The following MSI2 variants were observed in gnomAD, a reference collection of about 807,000 sequenced individuals.
MSI2 encodes RNA-binding protein Musashi homolog 2.
In MSI2, 17 loss-of-function variants were observed where a neutral mutation model predicts 45.6. The ratio of observed to expected loss-of-function variants is 0.37; its 90% confidence interval spans 0.26 to 0.56. MSI2 has a LOEUF of 0.56. MSI2 is among the 20% of genes least tolerant of loss of function. The pLI is 0.77. For missense variants in MSI2, 293 were observed against 444.2 expected, an observed-to-expected ratio of 0.66 and a Z score of 3.06; for synonymous variants, 156 against 158.2, an observed-to-expected ratio of 0.99 and a Z score of 0.11.
chr17:57,572,485 G>C (rs1252559898), intron 7 of MSI2, among the ~76,000 whole-genome samples: 2 of 152,236 alleles, frequency 1.3e-5, no homozygotes, highest in African/African-American at 2.4e-5. Flanking sequence ...AGTCCAATCT[G>C]TCTGCCTTTC....
intron 7 of MSI2, among the ~76,000 whole-genome samples, chr17:57,566,609 A>G (rs1340237595): frequency 2.6e-5 from 4 of 152,168 alleles, no homozygotes; most frequent in Non-Finnish European, 5.9e-5. Flanking sequence ...TCATTTCAAG[A>G]CACAGAATAT....
intron 5 of MSI2, among the ~76,000 whole-genome samples, chr17:57,344,484 C>T (rs1362122760): frequency 6.6e-6 from 1 of 152,204 alleles, no homozygotes; most frequent in Non-Finnish European, 1.5e-5. Context: ...TCCCCTGCTC[C>T]AGACCTGGAG....
At chr17:57,530,756 CTTTCCTG>C (rs2086805323) in intron 7 of MSI2, among the ~76,000 whole-genome samples, 1 of 152,138 alleles carries the variant, frequency 6.6e-6, no homozygotes, top group East Asian at 1.9e-4. Flanking sequence ...GACTGTATGT[CTTTCCTG>C]TTTGGAGAAG....
chr17:57,466,121 G>A (rs995695622), intron 6 of MSI2, among the ~76,000 whole-genome samples: 1 of 152,186 alleles, frequency 6.6e-6, no homozygotes, highest in Non-Finnish European at 1.5e-5. Flanking sequence ...GCAGCCTTCA[G>A]GAACCAGAGT....
chr17:57,678,094 T>C (rs1007128359), intron 13 of MSI2, among the ~76,000 whole-genome samples: 9 of 152,210 alleles, frequency 5.9e-5, no homozygotes, highest in African/African-American at 2.2e-4. Flanking sequence ...GGAGATGAAC[T>C]GGCCACTTTG....
intron 5 of MSI2, among the ~76,000 whole-genome samples, chr17:57,293,595 G>GTTTTTTTTTTTTTTTTTTTTTTT (rs71139983): frequency 5.9e-5 from 8 of 134,674 alleles, no homozygotes; most frequent in East Asian, 2.1e-4. Context: ...TTGTTTTTTT[G>GTTTTTTTTTTTTTTTTTTTTTTT]TTTTTTTTTT....
intron 5 of MSI2, among the ~76,000 whole-genome samples, chr17:57,357,652 C>T (rs792379): frequency 0.17 from 26,512 of 152,092 alleles, 5,580 homozygotes; most frequent in African/African-American, 0.51. Context: ...TTTGTGGTTG[C>T]ATCCTGTTCA....
chr17:57,388,518 T>C (rs980349652), intron 5 of MSI2, among the ~76,000 whole-genome samples: 1 of 152,196 alleles, frequency 6.6e-6, no homozygotes, highest in African/African-American at 2.4e-5. Context: ...GGGGAGCTAA[T>C]CCTAGCCCGC....
intron 5 of MSI2, among the ~76,000 whole-genome samples, chr17:57,321,146 G>A (rs559595811): frequency 6.6e-6 from 1 of 152,050 alleles, no homozygotes; most frequent in East Asian, 1.9e-4. Flanking sequence ...TGGACTCTGA[G>A]TACCCCTAAA....
At position 57,416,800 on chromosome 17, in the gene MSI2, G is replaced by C. The variant is rs1302670485; in HGVS notation, c.405+15329G>C. ...ACATTCAGGAGCTCTAAGAATGCTG[G>C]TGATCATGGGAACAACTGGAGGGGG... On this transcript the variant is annotated intron_variant, in intron 6 of 13. Coordinates refer to ENST00000284073, the MANE Select transcript of MSI2 (RefSeq NM_138962.4). Among the ~76,000 whole-genome samples, 7 of 152,214 alleles carry C rather than the reference G, an allele frequency of 4.6e-5. No homozygotes were observed. The East Asian group carries it at 1.3e-3, about 29-fold the overall frequency.
intron 7 of MSI2, among the ~76,000 whole-genome samples, chr17:57,586,377 A>G (rs1961066014): frequency 6.6e-6 from 1 of 151,722 alleles, no homozygotes; most frequent in Admixed American, 6.6e-5. Context: ...TTTCCCTTCT[A>G]ACCTCCCTTT....
intron 5 of MSI2, among the ~76,000 whole-genome samples, chr17:57,304,599 T>C (rs1475084460): frequency 6.6e-6 from 1 of 151,410 alleles, no homozygotes; most frequent in Non-Finnish European, 1.5e-5. Context: ...ATTTTTGTAT[T>C]TTGAATAGAG....
Position 57,375,707 on chromosome 17 carries a change from C to T in MSI2, c.313-25672C>T, listed in dbSNP as rs2083484255. Among the ~76,000 whole-genome samples, 2 of 152,184 alleles carry T rather than the reference C, an allele frequency of 1.3e-5. 1 individual carries two copies. The highest frequency in any genetic ancestry group is 2.9e-5 in the Non-Finnish European group (2 of 68,028). On this transcript the variant is annotated intron_variant, in intron 5 of 13. Coordinates refer to ENST00000284073, the MANE Select transcript of MSI2 (RefSeq NM_138962.4). ...CAAGAATGGAGGCACAGAGGCCACT[C>T]TGAGTGAACATATTTGGGGGACTCT...
intron 7 of MSI2, among the ~76,000 whole-genome samples, chr17:57,581,982 A>G (rs1004220511): frequency 2.0e-5 from 3 of 152,196 alleles, no homozygotes; most frequent in African/African-American, 4.8e-5. Context: ...CAAGCATCTC[A>G]GTTTGAAGAG....
chr17:57,303,710 A>G (rs1328444680), intron 5 of MSI2, among the ~76,000 whole-genome samples: 1 of 152,250 alleles, frequency 6.6e-6, no homozygotes, highest in African/African-American at 2.4e-5. Flanking sequence ...AGTTCCTAAT[A>G]TGATGGGCCC....
chr17:57,312,462 T>C (rs1301377324), intron 5 of MSI2, among the ~76,000 whole-genome samples: 1 of 152,110 alleles, frequency 6.6e-6, no homozygotes, highest in African/African-American at 2.4e-5. Flanking sequence ...TTGGGATGCC[T>C]CCCCTGGGGA....
At chr17:57,450,670 CAAAAAAAAAAA>C (rs58773765) in intron 6 of MSI2, among the ~76,000 whole-genome samples, 48 of 31,964 alleles carry the variant, frequency 1.5e-3, no homozygotes, top group African/African-American at 5.5e-3. Context: ...GACTGCATCT[CAAAAAAAAAAA>C]AAAAAAAAAA....
intron 7 of MSI2, among the ~76,000 whole-genome samples, chr17:57,548,077 T>G (rs1032743991): frequency 5.3e-5 from 8 of 152,252 alleles, no homozygotes; most frequent in Non-Finnish European, 1.2e-4. Context: ...CCCATAGATG[T>G]GGACGCTCTT....
chr17:57,338,599 G>A (rs913318276), intron 5 of MSI2, among the ~76,000 whole-genome samples: 7 of 152,146 alleles, frequency 4.6e-5, no homozygotes, highest in Non-Finnish European at 8.8e-5. Flanking sequence ...TGCATAACTC[G>A]TAGCCGGGTC....
Sources: allele counts gnomAD v4.1 joint callset (sites outside exome capture counted in the v4.1 genomes callset), GRCh38; gene constraint gnomAD v4.1.1; transcripts MANE v1.5; gene names NCBI Gene and HGNC (gene_info 2026-07-23, HGNC 2026-07-21).